The following POLR1F variants were observed in gnomAD, a reference collection of about 807,000 sequenced individuals.
POLR1F encodes RNA polymerase I subunit F.
A neutral mutation model predicts 21.8 loss-of-function variants in POLR1F; 23 were observed. The observed-to-expected ratio is 1.05, with a 90% CI of 0.76 to 1.49. The LOEUF (loss-of-function observed/expected upper bound fraction) is 1.49, where lower values mean the gene tolerates loss of function less well. Ranked by LOEUF, POLR1F falls within the 40% of genes most tolerant of loss-of-function variation. POLR1F has a pLI of 0.00. For synonymous variants in POLR1F, 162 were observed against 152.8 expected, an observed-to-expected ratio of 1.06 and a Z score of -0.45; for missense variants, 435 against 412.1, an observed-to-expected ratio of 1.06 and a Z score of -0.48.
intron 2 of POLR1F, among the ~76,000 whole-genome samples, chr7:19,703,711 C>G (rs894828983): frequency 2.0e-5 from 3 of 152,160 alleles, no homozygotes; most frequent in African/African-American, 7.2e-5. Context: ...CCTCCTACCC[C>G]AGCCTCCTGA....
chr7:19,707,087 T>G (rs1430740085), intron 1 of POLR1F, among the ~76,000 whole-genome samples: 1 of 152,242 alleles, frequency 6.6e-6, no homozygotes, highest in Non-Finnish European at 1.5e-5. Context: ...TTATGACTAC[T>G]TTGTATATCC....
intron 2 of POLR1F, among the ~76,000 whole-genome samples, chr7:19,701,057 C>T (rs577024205): frequency 2.0e-5 from 3 of 152,232 alleles, no homozygotes; most frequent in Admixed American, 2.0e-4. Flanking sequence ...GATGTGTATA[C>T]AATGCTGTTT....
intron 2 of POLR1F, 97 bp downstream of exon 2, chr7:19,704,682 T>C: frequency 9.2e-7 from 1 of 1,091,872 alleles, no homozygotes; most frequent in African/African-American, 1.7e-5. Context: ...AATAGCAATT[T>C]ATTTGAGTCC....
At chr7:19,706,613 C>A (rs909165270) in intron 1 of POLR1F, among the ~76,000 whole-genome samples, 2 of 152,188 alleles carry the variant, frequency 1.3e-5, no homozygotes, top group Admixed American at 1.3e-4. Flanking sequence ...AATCTATTTA[C>A]AAATAGCTAG....
rs190991158 is a variant in POLR1F at position 19,696,899 on chromosome 7, C to T, written c.*1417G>A. 6.6e-6 allele frequency: 1 copy of T among 152,172 alleles called. No homozygotes were observed. The highest frequency in any genetic ancestry group is 2.4e-5 in the African/African-American group (1 of 41,564). The allele number at this position is 152,172 out of a possible 1,614,324, so 9.4% of individuals were successfully genotyped here. Reference sequence around the variant, plus strand: ...AGCTACATTTCCAGGGCTCAATAGTCACATGAATCTCAATTGTAATCAAAG... The same window carrying T: ...AGCTACATTTCCAGGGCTCAATAGTTACATGAATCTCAATTGTAATCAAAG... On this transcript the variant is annotated 3_prime_UTR_variant, in exon 4 of 4. Transcript: ENST00000222567.
At chr7:19,701,176 T>C (rs574075580) in intron 2 of POLR1F, among the ~76,000 whole-genome samples, 3 of 152,300 alleles carry the variant, frequency 2.0e-5, no homozygotes, top group South Asian at 4.1e-4. Context: ...ATAAACAAAC[T>C]GGTACAGCTA....
chr7:19,708,342 T>C (rs867732408), intron 1 of POLR1F, among the ~76,000 whole-genome samples: 1 of 152,218 alleles, frequency 6.6e-6, no homozygotes, highest in South Asian at 2.1e-4. Flanking sequence ...CTATCTTCTA[T>C]GGAATGAGAA....
chr7:19,703,792 C>G (rs930408784), intron 2 of POLR1F, among the ~76,000 whole-genome samples: 2 of 152,236 alleles, frequency 1.3e-5, no homozygotes, highest in Non-Finnish European at 1.5e-5. Context: ...TGAGGTCTCA[C>G]TATGTTGCCC....
At chr7:19,706,039 A>T (rs1783519900) in intron 1 of POLR1F, among the ~76,000 whole-genome samples, 1 of 152,210 alleles carries the variant, frequency 6.6e-6, no homozygotes, top group African/African-American at 2.4e-5. Context: ...TTTGAATTTC[A>T]CACATGACTC....
intron 1 of POLR1F, among the ~76,000 whole-genome samples, chr7:19,705,906 C>G (rs1463608846): frequency 6.6e-6 from 1 of 152,074 alleles, no homozygotes; most frequent in Non-Finnish European, 1.5e-5. Flanking sequence ...TTACCACACC[C>G]ACTACTTGTT....
Position 19,705,788 on chromosome 7 carries a change from T to G in POLR1F, c.255-868A>C, listed in dbSNP as rs137961140. 6.1e-3 allele frequency among the ~76,000 whole-genome samples: 928 copies of G among 152,218 alleles called. 8 individuals carry two copies. Among genetic ancestry groups the G allele is most frequent in the African/African-American group, 0.022 (899 of 41,544 alleles). On this transcript the variant is annotated intron_variant, in intron 1 of 3. Transcript: ENST00000222567. ...ACCTAGTGGTGGGAGGCGGAGGGTG[T>G]GGTGAGCTGAGATCTCAGCACTGCA...
intron 3 of POLR1F, among the ~76,000 whole-genome samples, chr7:19,699,685 TAATC>T (rs1222405386): frequency 6.6e-6 from 1 of 152,096 alleles, no homozygotes; most frequent in Non-Finnish European, 1.5e-5. Flanking sequence ...CAGAAGACAA[TAATC>T]AACACAATTT....
At chr7:19,699,820 AT>A (rs1394601951) in intron 3 of POLR1F, among the ~76,000 whole-genome samples, 1 of 152,172 alleles carries the variant, frequency 6.6e-6, no homozygotes, top group African/African-American at 2.4e-5. Flanking sequence ...ACTCAGCAAA[AT>A]TGAACTATTA....
At position 19,705,937 on chromosome 7, in the gene POLR1F, C is replaced by A. The variant is rs554811130; in HGVS notation, c.255-1017G>T. 4.6e-5 allele frequency among the ~76,000 whole-genome samples: 7 copies of A among 152,200 alleles called. No homozygotes were observed. The East Asian group carries it at 7.7e-4, about 17-fold the overall frequency. ...TTGTTGGAGAAAACTTCCCTGACTC[C>A]CCCAGGCAAAGCTGAAATCATTCCT... On this transcript the variant is annotated intron_variant, in intron 1 of 3. Transcript: ENST00000222567.
At chr7:19,700,614 C>T (rs1392472764) in intron 2 of POLR1F, among the ~76,000 whole-genome samples, 1 of 152,202 alleles carries the variant, frequency 6.6e-6, no homozygotes, top group African/African-American at 2.4e-5. Context: ...CAACTCCCCA[C>T]TGCAGGATTC....
Position 19,708,848 on chromosome 7 carries a change from T to A in POLR1F, c.169A>T (p.Ile57Phe), listed in dbSNP as rs773538518. Residue 57 changes from isoleucine (I) to phenylalanine (F), a missense_variant, in exon 1 of 4, where the codon ATC becomes TTC. Coordinates refer to ENST00000222567, the MANE Select transcript of POLR1F (RefSeq NM_001002926.2). ...CLVAGPHQRHIALSPRYLNRK... is the reference protein window; with the variant it reads ...CLVAGPHQRHFALSPRYLNRK... ...TTAAGGTAGCGGGGCGACAGCGCGA[T>A]GTGCCTTTGGTGCGGCCCGGCCACC... is the stretch of plus-strand genomic sequence containing the variant. The A allele has an allele frequency of 1.9e-6, 3 of 1,614,086 alleles. No individual in the cohort carries two copies. The highest frequency in any genetic ancestry group is 2.5e-6 in the Non-Finnish European group (3 of 1,180,038).
At chr7:19,698,786 T>G (rs1040619996) in intron 3 of POLR1F, 59 bp from the exon 4 acceptor site, 7 of 1,389,572 alleles carry the variant, frequency 5.0e-6, no homozygotes, top group Middle Eastern at 2.0e-4. Flanking sequence ...AAGAACAAAT[T>G]GAGATCAAGA....
rs1583400492 is a variant in POLR1F, at chr7:19,698,696, C to T, written c.637G>A (p.Glu213Lys). Residue 213 changes from glutamate (E) to lysine (K), a missense_variant, in exon 4 of 4, where the codon GAA (glutamate) becomes AAA (lysine). Physicochemically the swap from Glu to Lys is moderately conservative, Grantham distance 56. Coordinates refer to ENST00000222567, the MANE Select transcript of POLR1F (RefSeq NM_001002926.2). The stretch of plus-strand genomic sequence containing the variant: ...TCCTCAGTGCCATTTTCTGTAACTT[C>T]TTCAGAAACTTCAGAGCGCTTGAAT... The part of the protein sequence containing the change: ...LQFKRSEVSE[E>K]VTENGTEEAA... The T allele has an allele frequency of 5.8e-6, 9 of 1,561,240 alleles. No homozygotes were observed. Among genetic ancestry groups the T allele is most frequent in the East Asian group, 4.5e-5 (2 of 44,120 alleles).
rs1214007864 is a variant in POLR1F, at chr7:19,696,894, A to G, written c.*1422T>C. On this transcript the variant is annotated 3_prime_UTR_variant, in exon 4 of 4. Transcript: ENST00000222567. ...GGACAAGCTACATTTCCAGGGCTCAATAGTCACATGAATCTCAATTGTAAT... is the reference window on the plus strand; with the variant it reads ...GGACAAGCTACATTTCCAGGGCTCAGTAGTCACATGAATCTCAATTGTAAT... 3.3e-5 allele frequency: 5 copies of G among 152,100 alleles called. No individual in the cohort carries two copies. The highest frequency in any genetic ancestry group is 3.3e-4 in the Admixed American group (5 of 15,272). The allele number at this position is 152,100 out of a possible 1,614,324, so 9.4% of individuals were successfully genotyped here.
Sources: gnomAD v4.1 joint callset for allele counts (sites outside exome capture counted in the v4.1 genomes callset) on GRCh38, gnomAD v4.1.1 for gene constraint, MANE v1.5 for transcripts, NCBI Gene and HGNC (gene_info 2026-07-23, HGNC 2026-07-21) for gene names.